The following TLL1 variants were observed in gnomAD, a reference collection of about 807,000 sequenced individuals.
TLL1 encodes the protein tolloid like 1, also known as tolloid-like protein 1.
In TLL1, 49 loss-of-function variants were observed where a neutral mutation model predicts 128.2. The observed-to-expected ratio is 0.38, with a 90% CI of 0.30 to 0.48. The LOEUF (loss-of-function observed/expected upper bound fraction) is 0.48, where lower values mean the gene tolerates loss of function less well. Among genes scored for constraint, TLL1 ranks in the 20% least tolerant of loss-of-function variants. The probability of loss-of-function intolerance (pLI) is 0.96; values close to 1 mark genes in which losing one functional copy is unlikely to be tolerated. For synonymous variants in TLL1, 454 were observed against 418.8 expected (o/e 1.08, Z -1.03); for missense variants, 1,123 against 1,242.0 (o/e 0.90, Z 1.44).
chr4:165,935,622 T>C (rs72970178), intron 1 of TLL1, among the ~76,000 whole-genome samples: 38 of 152,360 alleles, frequency 2.5e-4, no homozygotes, highest in African/African-American at 9.1e-4. Flanking sequence ...CACAGGCCTT[T>C]TCCATTCTTC....
intron 1 of TLL1, among the ~76,000 whole-genome samples, chr4:165,944,231 C>T (rs1329745368): frequency 6.6e-6 from 1 of 152,080 alleles, no homozygotes; most frequent in Non-Finnish European, 1.5e-5. Flanking sequence ...TCTTCTCTGA[C>T]CTACATGGTA....
rs2111171221 is a variant in TLL1 at position 166,102,453 on chromosome 4, C to A, written c.*1577C>A. On this transcript the variant is annotated 3_prime_UTR_variant, in exon 21 of 21. Transcript: ENST00000061240. ...AAAGTTAAAATGTATGTGCCAAGTT[C>A]TACTAGAATTCCATTTGAAATAGCA... is the stretch of plus-strand genomic sequence containing the variant. 1 of 152,408 alleles carries A rather than the reference C, an allele frequency of 6.6e-6. No homozygotes were observed. The highest frequency in any genetic ancestry group is 1.9e-4 in the East Asian group (1 of 5,146). 9.4% of individuals were successfully genotyped at this position (152,408 alleles called of 1,614,324 possible).
At chr4:166,000,991 G>A (rs1737121006) in intron 5 of TLL1, among the ~76,000 whole-genome samples, 1 of 151,876 alleles carries the variant, frequency 6.6e-6, no homozygotes. Flanking sequence ...AAAATTATTA[G>A]GCGACTAAAG....
At chr4:166,069,451 A>C (rs1740712730) in intron 16 of TLL1, among the ~76,000 whole-genome samples, 1 of 151,718 alleles carries the variant, frequency 6.6e-6, no homozygotes, top group South Asian at 2.1e-4. Context: ...GTAATAAGTG[A>C]TTCTATAGTA....
intron 12 of TLL1, among the ~76,000 whole-genome samples, chr4:166,050,393 G>A (rs1739655943): frequency 6.6e-6 from 1 of 152,136 alleles, no homozygotes; most frequent in African/African-American, 2.4e-5. Context: ...TGAAAATGCT[G>A]CTATGAACGT....
At chr4:165,916,283 G>A (rs1732772185) in intron 1 of TLL1, among the ~76,000 whole-genome samples, 2 of 152,128 alleles carry the variant, frequency 1.3e-5, no homozygotes, top group Non-Finnish European at 2.9e-5. Context: ...CTTGATCTCT[G>A]TTACTTAGAA....
chr4:166,037,645 T>C (rs1311289061), intron 9 of TLL1, among the ~76,000 whole-genome samples: 1 of 151,908 alleles, frequency 6.6e-6, no homozygotes, highest in Non-Finnish European at 1.5e-5. Context: ...CTGTCTCTAC[T>C]AAAAATACAA....
chr4:166,093,734 C>A (rs923791286), intron 19 of TLL1, among the ~76,000 whole-genome samples: 1 of 152,124 alleles, frequency 6.6e-6, no homozygotes, highest in African/African-American at 2.4e-5. Flanking sequence ...GGACAATACC[C>A]GGCTTTCCAA....
At chr4:166,051,538 A>G (rs1453634829) in intron 12 of TLL1, among the ~76,000 whole-genome samples, 1 of 152,162 alleles carries the variant, frequency 6.6e-6, no homozygotes, top group East Asian at 1.9e-4. Flanking sequence ...AAAATGTTAC[A>G]CAAATGACAC....
intron 1 of TLL1, among the ~76,000 whole-genome samples, chr4:165,886,558 G>A (rs1005187332): frequency 6.6e-6 from 1 of 152,032 alleles, no homozygotes; most frequent in African/African-American, 2.4e-5. Flanking sequence ...TATTCATGGG[G>A]GATTAGTTCC....
chr4:165,907,864 T>A (rs1189273474), intron 1 of TLL1, among the ~76,000 whole-genome samples: 1 of 152,188 alleles, frequency 6.6e-6, no homozygotes, highest in Admixed American at 6.5e-5. Context: ...GACACTTTTA[T>A]AAACTTCTGA....
intron 8 of TLL1, among the ~76,000 whole-genome samples, chr4:166,020,897 T>C (rs766647883): frequency 4.6e-5 from 7 of 152,208 alleles, no homozygotes; most frequent in Non-Finnish European, 7.3e-5. Flanking sequence ...CAGGAACATA[T>C]GTACAACCTA....
chr4:165,921,994 G>A (rs1171294606), intron 1 of TLL1, among the ~76,000 whole-genome samples: 1 of 152,164 alleles, frequency 6.6e-6, no homozygotes, highest in African/African-American at 2.4e-5. Flanking sequence ...TAAATTTTAG[G>A]TTGGGAGATG....
At chr4:166,098,040 T>C (rs1297471563) in intron 19 of TLL1, among the ~76,000 whole-genome samples, 1 of 151,962 alleles carries the variant, frequency 6.6e-6, no homozygotes, top group African/African-American at 2.4e-5. Context: ...AATTAAAAAG[T>C]TATAGGGCTC....
intron 19 of TLL1, among the ~76,000 whole-genome samples, chr4:166,097,835 A>C (rs749443133): frequency 1.3e-5 from 2 of 152,062 alleles, no homozygotes; most frequent in Non-Finnish European, 2.9e-5. Context: ...TTCCCCTGGG[A>C]TATTCCTCAT....
chr4:166,098,437 T>A (rs1211050410), intron 19 of TLL1, among the ~76,000 whole-genome samples: 2 of 151,976 alleles, frequency 1.3e-5, no homozygotes, highest in Non-Finnish European at 2.9e-5. Context: ...ACTAAAAGGT[T>A]TTATGGACAC....
chr4:166,066,366 A>G (rs1031269583), intron 16 of TLL1, among the ~76,000 whole-genome samples: 1 of 151,756 alleles, frequency 6.6e-6, no homozygotes, highest in African/African-American at 2.4e-5. Flanking sequence ...TAAGCAGCTC[A>G]AAGTAAAATT....
chr4:166,037,590 C>T (rs1181206250), intron 9 of TLL1, among the ~76,000 whole-genome samples: 2 of 152,074 alleles, frequency 1.3e-5, no homozygotes, highest in Admixed American at 6.6e-5. Context: ...GGTGGATCAC[C>T]TGAGGTCAGG....
intron 18 of TLL1, among the ~76,000 whole-genome samples, chr4:166,081,248 C>T (rs1560858781): frequency 6.6e-6 from 1 of 152,104 alleles, no homozygotes; most frequent in Non-Finnish European, 1.5e-5. Context: ...TTTGTTTTAA[C>T]ATTTCCTCTG....
Sources: allele counts gnomAD v4.1 joint callset (sites outside exome capture counted in the v4.1 genomes callset), GRCh38; gene constraint gnomAD v4.1.1; transcripts MANE v1.5; gene names NCBI Gene and HGNC (gene_info 2026-07-23, HGNC 2026-07-21).